The following TACC2 variants were observed in gnomAD, a reference collection of about 807,000 sequenced individuals.
TACC2 encodes transforming acidic coiled-coil-containing protein 2.
Under a neutral mutation model 227.3 loss-of-function variants are expected in TACC2, and 137 were observed. The ratio of observed to expected loss-of-function variants is 0.60; its 90% CI spans 0.52 to 0.69. The LOEUF (loss-of-function observed/expected upper bound fraction) is 0.69. Ranked by LOEUF, TACC2 falls within the 30% of genes least tolerant of loss-of-function variation. TACC2 has a pLI of 0.00. For missense variants in TACC2, 3,470 were observed against 3,694.4 expected (o/e 0.94, Z 1.57); for synonymous variants, 1,523 against 1,487.5 (o/e 1.02, Z -0.55).
At chr10:122,156,953 A>G (rs917161294) in intron 7 of TACC2, among the ~76,000 whole-genome samples, 2 of 151,954 alleles carry the variant, frequency 1.3e-5, no homozygotes, top group Admixed American at 6.6e-5. Context: ...TCTACAAAAA[A>G]TAGAAAAAAT....
chr10:122,217,441 T>TC (rs2141158129), intron 11 of TACC2, among the ~76,000 whole-genome samples: 1 of 141,276 alleles, frequency 7.1e-6, no homozygotes, highest in East Asian at 2.1e-4. Context: ...TTTTTTCTTT[T>TC]TTTTTTTTTT....
intron 5 of TACC2, among the ~76,000 whole-genome samples, chr10:122,097,043 T>C (rs1020603388): frequency 6.6e-6 from 1 of 152,134 alleles, no homozygotes; most frequent in Non-Finnish European, 1.5e-5. Flanking sequence ...ACTTGCCTGG[T>C]TGCTGGGCAC....
chr10:122,243,775 G>A (rs2096056259), intron 19 of TACC2, among the ~76,000 whole-genome samples: 2 of 152,108 alleles, frequency 1.3e-5, no homozygotes, highest in Non-Finnish European at 1.5e-5. Context: ...TAGTTCATCT[G>A]GAAACATCCT....
chr10:122,100,716 G>T (rs1025700001), intron 5 of TACC2, among the ~76,000 whole-genome samples: 1 of 152,146 alleles, frequency 6.6e-6, no homozygotes, highest in Non-Finnish European at 1.5e-5. Flanking sequence ...ATGAGCTATA[G>T]CGCCCGACTG....
chr10:122,181,192 A>G (rs1022670978), intron 7 of TACC2, among the ~76,000 whole-genome samples: 2 of 152,206 alleles, frequency 1.3e-5, no homozygotes, highest in Non-Finnish European at 2.9e-5. Flanking sequence ...TAGTTTTACA[A>G]TTCCTCGCCC....
At chr10:122,155,833 ATTTTTTTTTTT>A in intron 7 of TACC2, among the ~76,000 whole-genome samples, 1 of 118,306 alleles carries the variant, frequency 8.5e-6, no homozygotes, top group African/African-American at 3.2e-5. Flanking sequence ...TAGTGGGAAA[ATTTTTTTTTTT>A]TTTTTTTTTT....
chr10:122,026,088 G>A (rs1227801567), intron 2 of TACC2, among the ~76,000 whole-genome samples: 51 of 149,336 alleles, frequency 3.4e-4, no homozygotes, highest in African/African-American at 3.9e-4. Context: ...GGAGGCCAAG[G>A]CAGGCGGATC....
At chr10:122,245,405 G>A (rs1397134355) in intron 19 of TACC2, among the ~76,000 whole-genome samples, 1 of 152,182 alleles carries the variant, frequency 6.6e-6, no homozygotes, top group African/African-American at 2.4e-5. Context: ...TGAGGCAGGT[G>A]AAGTCTTGGA....
chr10:122,241,777 G>A (rs937963646), intron 18 of TACC2, 181 bp from the exon 19 acceptor site: 2 of 639,642 alleles, frequency 3.1e-6, no homozygotes, highest in Admixed American at 4.9e-5. Flanking sequence ...CTTTGCACAA[G>A]GGAGTGGCAT....
At chr10:122,193,564 C>T (rs1187980238) in intron 7 of TACC2, among the ~76,000 whole-genome samples, 2 of 152,204 alleles carry the variant, frequency 1.3e-5, no homozygotes, top group African/African-American at 4.8e-5. Context: ...ACTCACCTGC[C>T]AGGTCACCCC....
At chr10:122,122,499 T>TTC (rs1453310813) in intron 5 of TACC2, among the ~76,000 whole-genome samples, 1 of 152,070 alleles carries the variant, frequency 6.6e-6, no homozygotes, top group Non-Finnish European at 1.5e-5. Context: ...TCCTTTTTTT[T>TTC]TTTTTAATAG....
chr10:122,134,670 A>C (rs2089188382), intron 6 of TACC2, among the ~76,000 whole-genome samples: 1 of 152,126 alleles, frequency 6.6e-6, no homozygotes, highest in Non-Finnish European at 1.5e-5. Flanking sequence ...CGTTTTAGGA[A>C]GACCCAGGGG....
intron 5 of TACC2, among the ~76,000 whole-genome samples, chr10:122,124,927 G>T (rs915995058): frequency 1.3e-5 from 2 of 151,824 alleles, no homozygotes; most frequent in African/African-American, 4.8e-5. Context: ...ACATGAAGTC[G>T]CCACCCTCCA....
intron 2 of TACC2, among the ~76,000 whole-genome samples, chr10:122,042,371 T>A (rs1427157581): frequency 6.6e-6 from 1 of 152,114 alleles, no homozygotes; most frequent in African/African-American, 2.4e-5. Context: ...GCCTCCCAAG[T>A]AGCTGGGATT....
At chr10:122,048,308 T>G (rs1230345364) in intron 2 of TACC2, among the ~76,000 whole-genome samples, 1 of 152,062 alleles carries the variant, frequency 6.6e-6, no homozygotes, top group African/African-American at 2.4e-5. Flanking sequence ...TGCACACCCC[T>G]GCAGCCATGG....
At chr10:122,108,437 A>AT (rs2083169326) in intron 5 of TACC2, among the ~76,000 whole-genome samples, 10 of 88,526 alleles carry the variant, frequency 1.1e-4, no homozygotes, top group East Asian at 3.4e-4. Context: ...TGTATGTCAT[A>AT]TTTTCTTTTT....
At chr10:122,129,338 A>T (rs1665864986) in intron 5 of TACC2, among the ~76,000 whole-genome samples, 1 of 152,080 alleles carries the variant, frequency 6.6e-6, no homozygotes, top group Admixed American at 6.6e-5. Flanking sequence ...GATTACAGGC[A>T]TGAGCTACTG....
In TACC2 at chr10:122,008,264, A is replaced by ATTATTATTATTATTATTAT; in HGVS notation, c.-45-13671_-45-13670insATTATTATTATTATTATTT. 1.1e-3 allele frequency among the ~76,000 whole-genome samples: 154 copies of ATTATTATTATTATTATTAT among 134,652 alleles called. 1 individual carries two copies. Among genetic ancestry groups the ATTATTATTATTATTATTAT allele is most frequent in the South Asian group, 0.011 (47 of 4,198 alleles). The allele number at this position is 134,652 out of a possible 152,430, so 88.3% of individuals were successfully genotyped here. ...TCCCTTTGTTATTATTATTATTATT[A>ATTATTATTATTATTATTAT]TTTTTTTTTTTTGAGACAGAATTTT... On this transcript the variant is annotated intron_variant, in intron 1 of 22. Transcript: ENST00000369005.
intron 5 of TACC2, among the ~76,000 whole-genome samples, chr10:122,098,929 C>T (rs760904826): frequency 1.2e-4 from 18 of 152,148 alleles, no homozygotes; most frequent in Non-Finnish European, 2.4e-4. Context: ...CATCTGGCAC[C>T]CGTGGGGAAT....
Sources: gnomAD v4.1 joint callset for allele counts (sites outside exome capture counted in the v4.1 genomes callset) on GRCh38, gnomAD v4.1.1 for gene constraint, MANE v1.5 for transcripts, NCBI Gene and HGNC (gene_info 2026-07-23, HGNC 2026-07-21) for gene names.